MMP13: variants seen among roughly 807,000 people sequenced by gnomAD.
The protein encoded by MMP13 is collagenase 3.
Under a neutral mutation model 52.1 loss-of-function variants are expected in MMP13, and 45 were observed. The ratio of observed to expected loss-of-function variants is 0.86; its 90% CI spans 0.68 to 1.11. The LOEUF (loss-of-function observed/expected upper bound fraction) is 1.11, where lower values mean the gene tolerates loss of function less well. Ranked by LOEUF, MMP13 falls within the 50% of genes least tolerant of loss-of-function variation. The pLI is 0.00. For missense variants in MMP13, 576 were observed against 583.8 expected (o/e 0.99, Z 0.14); for synonymous variants, 200 against 204.4 (o/e 0.98, Z 0.18).
intron 5 of MMP13, among the ~76,000 whole-genome samples, chr11:102,950,903 A>G (rs569094670): frequency 5.3e-5 from 8 of 152,212 alleles, no homozygotes; most frequent in Non-Finnish European, 8.8e-5. Context: ...ATTGCAAAAT[A>G]AATTTGCAAA....
chr11:102,950,196 A>G lies in MMP13; in HGVS notation c.831T>C (p.His277=), dbSNP rs782702393. The G allele has an allele frequency of 6.2e-7, 1 of 1,613,738 alleles. No individual in the cohort carries two copies. Among genetic ancestry groups the G allele is most frequent in the Non-Finnish European group, 8.5e-7 (1 of 1,179,744 alleles). The change falls in exon 6 of 10, where the codon CAT becomes CAC. Residue 277 remains histidine, a synonymous_variant. Transcript: ENST00000260302. The part of the protein sequence containing the change: ...GPGDEDPNPK[H]PKTPDKCDPS... ...GGTCACATTTGTCTGGCGTTTTTGG[A>G]TGTTTAGGGTTGGGGTCTTCATCTC... is the stretch of plus-strand genomic sequence containing the variant.
intron 8 of MMP13, among the ~76,000 whole-genome samples, chr11:102,946,673 A>G (rs797027807): frequency 4.6e-5 from 7 of 152,316 alleles, no homozygotes; most frequent in African/African-American, 1.7e-4. Context: ...ATTGCCTAAG[A>G]GAAGCTTAAG....
Position 102,955,220 on chromosome 11 carries a change from C to T in MMP13, c.362+32G>A, listed in dbSNP as rs202199108. On this transcript the variant is annotated intron_variant, in intron 2 of 9. Transcript: ENST00000260302. This position sits in a 1 kb window ranked among gnomAD's most constrained non-coding sequence, Gnocchi z 4.9. The stretch of plus-strand genomic sequence containing the variant: ...ATTTAATACTACAAGAAAAGGCTAA[C>T]AAATATGAAAGAAAGATAGCCTATG... 7.3e-5 allele frequency: 118 copies of T among 1,610,686 alleles called. 1 individual carries two copies. In the African/African-American group the frequency reaches 1.5e-3, roughly 21 times the overall value.
Position 102,952,623 on chromosome 11 carries a change from A to G in MMP13, c.638-450T>C, listed in dbSNP as rs1860630759. Among the ~76,000 whole-genome samples, 1 of 152,108 alleles carries G rather than the reference A, an allele frequency of 6.6e-6. No homozygotes were observed. The highest frequency in any genetic ancestry group is 1.5e-5 in the Non-Finnish European group (1 of 67,996). On this transcript the variant is annotated intron_variant, in intron 4 of 9. Transcript: ENST00000260302. The surrounding 1 kb of genome is among the most constrained non-coding windows in gnomAD (Gnocchi z 4.3). ...CAATCAGGAGGCAGCATCCAAAGGG[A>G]TGGTACCAAGGATGGAGGATGCACT...
rs555759372 is a variant in MMP13 at position 102,944,002 on chromosome 11, G to A, written c.*264C>T. 151 of 420,064 alleles carry A rather than the reference G, an allele frequency of 3.6e-4. 1 individual carries two copies. Among genetic ancestry groups the A allele is most frequent in the Middle Eastern group, 2.1e-3 (5 of 2,342 alleles). 26.0% of individuals were successfully genotyped at this position (420,064 alleles called of 1,614,324 possible). ...AGACCATGTGTCCCATTTGTGGTGT[G>A]GGAAGTATCATCAACCATTGCTTTT... On this transcript the variant is annotated 3_prime_UTR_variant, in exon 10 of 10. Transcript: ENST00000260302.
rs1397547965 is a variant in MMP13 at position 102,952,689 on chromosome 11, C to T, written c.638-516G>A. On this transcript the variant is annotated intron_variant, in intron 4 of 9. Transcript: ENST00000260302. This position sits in a 1 kb window ranked among gnomAD's most constrained non-coding sequence, Gnocchi z 4.3. ...GTTTACTCTTGGGAGCAAATTCCAA[C>T]CAAATGATTTTTTCCAGAATGTCTC... Among the ~76,000 whole-genome samples the T allele has an allele frequency of 6.6e-6, 1 of 152,006 alleles. No homozygotes were observed. The highest frequency in any genetic ancestry group is 1.5e-5 in the Non-Finnish European group (1 of 67,970).
At chr11:102,953,440 C>T (rs1860645071) in intron 4 of MMP13, among the ~76,000 whole-genome samples, 1 of 152,250 alleles carries the variant, frequency 6.6e-6, no homozygotes, top group South Asian at 2.1e-4. Flanking sequence ...TAAAACTCAG[C>T]TGTCTATGAA....
In MMP13 at chr11:102,949,180, G is replaced by A; in HGVS notation, c.918-22C>T. 1 of 1,612,236 alleles carries A rather than the reference G, an allele frequency of 6.2e-7. No homozygotes were observed. Among genetic ancestry groups the A allele is most frequent in the Non-Finnish European group, 8.5e-7 (1 of 1,179,458 alleles). ...GAATCTAACACAAAAGTAAAATGGA[G>A]TTTTCTGTCACATTTTTAAATGCAA... is the stretch of plus-strand genomic sequence containing the variant. On this transcript the variant is annotated intron_variant, in intron 6 of 9. Coordinates refer to ENST00000260302, the MANE Select transcript of MMP13 (RefSeq NM_002427.4). The surrounding 1 kb of genome is among the most constrained non-coding windows in gnomAD (Gnocchi z 4.2).
chr11:102,948,594 T>C (rs1860554781), intron 7 of MMP13, among the ~76,000 whole-genome samples: 1 of 152,158 alleles, frequency 6.6e-6, no homozygotes, highest in African/African-American at 2.4e-5. Flanking sequence ...CAGTAGAATA[T>C]AAAAATGTAT....
In MMP13 at chr11:102,955,431, T is replaced by C. The variant is rs923881269; in HGVS notation, c.183A>G (p.Ala61=). 7.4e-6 allele frequency: 12 copies of C among 1,613,962 alleles called. No homozygotes were observed. Among genetic ancestry groups the C allele is most frequent in the Non-Finnish European group, 9.3e-6 (11 of 1,179,962 alleles). Residue 61 remains alanine, a synonymous_variant, in exon 2 of 10, where the codon GCA becomes GCG. Coordinates refer to ENST00000260302, the MANE Select transcript of MMP13 (RefSeq NM_002427.4). This position sits in a 1 kb window ranked among gnomAD's most constrained non-coding sequence, Gnocchi z 4.9. ...NLAGILKENA[A]SSMTERLREM... ...CTCGGAGCCTCTCAGTCATGGAGCTTGCTGCATTCTCCTTCAGGATTCCCG... is the reference window on the plus strand; with the variant it reads ...CTCGGAGCCTCTCAGTCATGGAGCTCGCTGCATTCTCCTTCAGGATTCCCG...
Position 102,954,289 on chromosome 11 carries a change from C to G in MMP13, c.512-8G>C. 6.2e-7 allele frequency: 1 copy of G among 1,613,650 alleles called. No homozygotes were observed. Among genetic ancestry groups the G allele is most frequent in the Non-Finnish European group, 8.5e-7 (1 of 1,179,718 alleles). The stretch of plus-strand genomic sequence containing the variant: ...GGTAGAAGTCGCCATGCTCTACACA[C>G]AAAAGCAAGGGTTAGGAGTCTTATC... On this transcript the variant is annotated splice_region_variant and splice_polypyrimidine_tract_variant and intron_variant, in intron 3 of 9. Transcript: ENST00000260302.
rs1860541352 is a variant in MMP13 at position 102,947,946 on chromosome 11, C to G, written c.1156G>C (p.Val386Leu). Residue 386 changes from valine (V) to leucine (L), a missense_variant, in exon 8 of 10, where the codon GTT (valine) becomes CTT (leucine). Physicochemically the swap from Val to Leu is conservative, Grantham distance 32 (BLOSUM62 1). Transcript: ENST00000260302. ...PKEVKKISAA[V>L]HFEDTGKTLL... is the part of the protein sequence containing the mutation. ...GTCTTGCCTGTATCCTCAAAGTGAA[C>G]AGCTGCACTTATCTTCTTAACTTCT... 2 of 1,613,948 alleles carry G rather than the reference C, an allele frequency of 1.2e-6. No individual in the cohort carries two copies. Among genetic ancestry groups the G allele is most frequent in the Non-Finnish European group, 1.7e-6 (2 of 1,179,908 alleles).
In MMP13 at chr11:102,949,169, A is replaced by T; in HGVS notation, c.918-11T>A. The T allele has an allele frequency of 6.2e-7, 1 of 1,613,050 alleles. No homozygotes were observed. The highest frequency in any genetic ancestry group is 8.5e-7 in the Non-Finnish European group (1 of 1,179,650). ...AGGCGCCAGAAGAATCTAACACAAA[A>T]GTAAAATGGAGTTTTCTGTCACATT... On this transcript the variant is annotated splice_polypyrimidine_tract_variant and intron_variant, in intron 6 of 9. Coordinates refer to ENST00000260302, the MANE Select transcript of MMP13 (RefSeq NM_002427.4). The surrounding 1 kb of genome is among the most constrained non-coding windows in gnomAD (Gnocchi z 4.2).
rs636229 is a variant in MMP13 at position 102,952,903 on chromosome 11, A to C, written c.638-730T>G. 0.91 allele frequency among the ~76,000 whole-genome samples: 139,158 copies of C among 152,142 alleles called. 63,900 individuals are homozygous for C. The highest frequency in any genetic ancestry group is 0.97 in the Middle Eastern group (284 of 294). ...ATAAAAAACTAAAAGAAAAATAAGA[A>C]GTGCAAGGCAATAGGATTGTTGTTA... On this transcript the variant is annotated intron_variant, in intron 4 of 9. Transcript: ENST00000260302. The surrounding 1 kb of genome is among the most constrained non-coding windows in gnomAD (Gnocchi z 4.3).
At chr11:102,944,619 G>A (rs1022621373) in intron 9 of MMP13, among the ~76,000 whole-genome samples, 3 of 151,234 alleles carry the variant, frequency 2.0e-5, no homozygotes, top group East Asian at 2.0e-4. Flanking sequence ...TTTTGTGTGC[G>A]TATATGAGAC....
In MMP13 at chr11:102,949,178, G is replaced by A. The variant is rs1339848019; in HGVS notation, c.918-20C>T. ...AAGAATCTAACACAAAAGTAAAATG[G>A]AGTTTTCTGTCACATTTTTAAATGC... On this transcript the variant is annotated intron_variant, in intron 6 of 9. Coordinates refer to ENST00000260302, the MANE Select transcript of MMP13 (RefSeq NM_002427.4). This position sits in a 1 kb window ranked among gnomAD's most constrained non-coding sequence, Gnocchi z 4.2. 2 of 1,612,426 alleles carry A rather than the reference G, an allele frequency of 1.2e-6. No individual in the cohort carries two copies. Among genetic ancestry groups the A allele is most frequent in the African/African-American group, 1.3e-5 (1 of 74,984 alleles).
rs2134517161 is a variant in MMP13, at chr11:102,949,216, C to T, written c.918-58G>A. 6.3e-7 allele frequency: 1 copy of T among 1,589,810 alleles called. No homozygotes were observed. Among genetic ancestry groups the T allele is most frequent in the Non-Finnish European group, 8.6e-7 (1 of 1,168,066 alleles). Reference sequence around the variant, plus strand: ...CATTTTTAAATGCAATATTTCTATCCTGCTAGTCACCTCTCTCCACATCAA... The same window carrying T: ...CATTTTTAAATGCAATATTTCTATCTTGCTAGTCACCTCTCTCCACATCAA... On this transcript the variant is annotated intron_variant, in intron 6 of 9. Transcript: ENST00000260302. The surrounding 1 kb of genome is among the most constrained non-coding windows in gnomAD (Gnocchi z 4.2).
In MMP13 at chr11:102,952,176, G is replaced by A. The variant is rs1860624770; in HGVS notation, c.638-3C>T. The A allele has an allele frequency of 5.0e-6, 8 of 1,612,640 alleles. No individual in the cohort carries two copies. Among genetic ancestry groups the A allele is most frequent in the East Asian group, 2.2e-5 (1 of 44,850 alleles). On this transcript the variant is annotated splice_region_variant and splice_polypyrimidine_tract_variant and intron_variant, in intron 4 of 9. Transcript: ENST00000260302. The surrounding 1 kb of genome is among the most constrained non-coding windows in gnomAD (Gnocchi z 4.3). ...AGCAACAAGAAACAAGTTGTAGCCT[G>A]TAAGAAAACAAAGAAACAATGAGAA...
Position 102,944,218 on chromosome 11 carries a change from T to G in MMP13, c.*48A>C. The G allele has an allele frequency of 7.0e-7, 1 of 1,420,246 alleles. No individual in the cohort carries two copies. The highest frequency in any genetic ancestry group is 9.9e-7 in the Non-Finnish European group (1 of 1,005,570). 88.0% of individuals were successfully genotyped at this position (1,420,246 alleles called of 1,614,324 possible). A position where few individuals can be genotyped will look rare whatever the true frequency, so the allele number is the denominator to read the frequency against. ...CCCTACCCCGCACTTCTGGAAGTAT[T>G]ACCCCAAATGCTCTTCAGGATTTAA... On this transcript the variant is annotated 3_prime_UTR_variant, in exon 10 of 10. Coordinates refer to ENST00000260302, the MANE Select transcript of MMP13 (RefSeq NM_002427.4).
Sources: allele counts gnomAD v4.1 joint callset (sites outside exome capture counted in the v4.1 genomes callset), GRCh38; gene constraint gnomAD v4.1.1; non-coding constraint Gnocchi (gnomAD v3.1); transcripts MANE v1.5; gene names NCBI Gene and HGNC (gene_info 2026-07-23, HGNC 2026-07-21).